SLC9A9: variants seen among roughly 807,000 people sequenced by gnomAD.
SLC9A9 encodes sodium/hydrogen exchanger 9.
A neutral mutation model predicts 77.8 loss-of-function variants in SLC9A9; 62 were observed. That is an observed-to-expected ratio of 0.80 (90% CI 0.65 to 0.98). The LOEUF is 0.98. SLC9A9 is among the 50% of genes least tolerant of loss of function. SLC9A9 has a pLI of 0.00. For missense variants in SLC9A9, 775 were observed against 774.9 expected, an observed-to-expected ratio of 1.00 and a Z score of 0.00; for synonymous variants, 320 against 283.5, an observed-to-expected ratio of 1.13 and a Z score of -1.29.
chr3:143,680,850 C>T (rs569960487), intron 5 of SLC9A9, among the ~76,000 whole-genome samples: 37 of 152,204 alleles, frequency 2.4e-4, no homozygotes, highest in African/African-American at 8.9e-4. Context: ...GGGACACTGA[C>T]CACGTGAACT....
At chr3:143,677,313 A>G (rs1221377098) in intron 5 of SLC9A9, among the ~76,000 whole-genome samples, 1 of 152,208 alleles carries the variant, frequency 6.6e-6, no homozygotes, top group Non-Finnish European at 1.5e-5. Flanking sequence ...TCATATTTTT[A>G]TATACATTTT....
intron 12 of SLC9A9, among the ~76,000 whole-genome samples, chr3:143,446,353 T>C (rs2034842454): frequency 6.6e-6 from 1 of 152,110 alleles, no homozygotes; most frequent in Non-Finnish European, 1.5e-5. Flanking sequence ...TGACTGTTTC[T>C]ATTCTCTTAC....
intron 14 of SLC9A9, among the ~76,000 whole-genome samples, chr3:143,296,821 T>C (rs1299525620): frequency 6.6e-6 from 1 of 152,254 alleles, no homozygotes; most frequent in African/African-American, 2.4e-5. Context: ...CTGTTGGTCA[T>C]CTGTACGTCT....
At chr3:143,800,540 T>C (rs1322611604) in intron 2 of SLC9A9, among the ~76,000 whole-genome samples, 1 of 152,202 alleles carries the variant, frequency 6.6e-6, no homozygotes, top group African/African-American at 2.4e-5. Context: ...ATCTTAAAGA[T>C]GCTTTTTTCA....
At chr3:143,393,740 T>C (rs2033629234) in intron 12 of SLC9A9, among the ~76,000 whole-genome samples, 1 of 151,624 alleles carries the variant, frequency 6.6e-6, no homozygotes, top group Non-Finnish European at 1.5e-5. Flanking sequence ...AAGAATCAAA[T>C]AGACGCAATA....
chr3:143,502,647 A>G (rs2035943172), intron 9 of SLC9A9, among the ~76,000 whole-genome samples: 1 of 152,186 alleles, frequency 6.6e-6, no homozygotes, highest in Non-Finnish European at 1.5e-5. Context: ...GAATTCCTCA[A>G]CATAGCTTTT....
chr3:143,319,067 A>G (rs1383879592), intron 14 of SLC9A9, among the ~76,000 whole-genome samples: 2 of 152,232 alleles, frequency 1.3e-5, no homozygotes, highest in East Asian at 1.9e-4. Flanking sequence ...TAAAGATAAC[A>G]GAAATTGCCA....
intron 6 of SLC9A9, among the ~76,000 whole-genome samples, chr3:143,616,156 T>G (rs957084956): frequency 1.3e-5 from 2 of 152,084 alleles, no homozygotes; most frequent in African/African-American, 4.8e-5. Context: ...GTGCTGGGAT[T>G]ATAGGCATGA....
intron 6 of SLC9A9, among the ~76,000 whole-genome samples, chr3:143,621,732 C>A (rs973922128): frequency 6.6e-6 from 1 of 152,188 alleles, no homozygotes; most frequent in Admixed American, 6.5e-5. Context: ...AGGAACTCAG[C>A]TCCTCACCAG....
chr3:143,293,846 CA>C (rs1223621514), intron 14 of SLC9A9, among the ~76,000 whole-genome samples: 2 of 152,100 alleles, frequency 1.3e-5, no homozygotes, highest in Non-Finnish European at 2.9e-5. Flanking sequence ...CATCTTTTAG[CA>C]AAAGTCAATG....
intron 9 of SLC9A9, among the ~76,000 whole-genome samples, chr3:143,523,060 C>T (rs984455062): frequency 6.6e-6 from 1 of 151,826 alleles, no homozygotes; most frequent in Non-Finnish European, 1.5e-5. Flanking sequence ...TCTTCCAGTC[C>T]CAGAATCCCA....
At chr3:143,355,933 C>T (rs1033719531) in intron 14 of SLC9A9, among the ~76,000 whole-genome samples, 3 of 152,038 alleles carry the variant, frequency 2.0e-5, no homozygotes, top group African/African-American at 7.3e-5. Context: ...TCATATCATT[C>T]GTTTAAAGTG....
intron 9 of SLC9A9, among the ~76,000 whole-genome samples, chr3:143,547,187 T>C (rs1355467884): frequency 1.3e-5 from 2 of 152,260 alleles, no homozygotes; most frequent in Non-Finnish European, 2.9e-5. Context: ...GATTGGTCTT[T>C]GGACCTCTTC....
chr3:143,379,175 C>T (rs1426600665), intron 13 of SLC9A9, among the ~76,000 whole-genome samples: 2 of 152,088 alleles, frequency 1.3e-5, no homozygotes, highest in African/African-American at 4.8e-5. Context: ...AAAGATTAAC[C>T]TATTTGTTAA....
chr3:143,621,599 C>T (rs1367243422), intron 6 of SLC9A9, among the ~76,000 whole-genome samples: 1 of 152,040 alleles, frequency 6.6e-6, no homozygotes, highest in Non-Finnish European at 1.5e-5. Flanking sequence ...GACATCCACA[C>T]CAAAAACCCA....
chr3:143,363,424 A>C, intron 14 of SLC9A9, 60 bp downstream of exon 14: 1 of 1,480,588 alleles, frequency 6.8e-7, no homozygotes. Flanking sequence ...AATGATTAAG[A>C]GCTTAAAGTA....
intron 11 of SLC9A9, among the ~76,000 whole-genome samples, chr3:143,471,149 A>G (rs1309644741): frequency 6.6e-6 from 1 of 152,234 alleles, no homozygotes; most frequent in African/African-American, 2.4e-5. Context: ...TAGCCCTGGT[A>G]ACATGTGGCA....
intron 6 of SLC9A9, among the ~76,000 whole-genome samples, chr3:143,633,836 G>A (rs192025445): frequency 1.3e-5 from 2 of 152,206 alleles, no homozygotes; most frequent in East Asian, 3.9e-4. Context: ...TGTTTTTGTA[G>A]TTTTTCTTAA....
intron 14 of SLC9A9, among the ~76,000 whole-genome samples, chr3:143,285,551 C>CA (rs1297964118): frequency 1.3e-5 from 2 of 152,136 alleles, no homozygotes; most frequent in African/African-American, 4.8e-5. Context: ...GAGCTCAGTG[C>CA]AGCATGATCC....
Sources: gnomAD v4.1 joint callset for allele counts (sites outside exome capture counted in the v4.1 genomes callset) on GRCh38, gnomAD v4.1.1 for gene constraint, MANE v1.5 for transcripts, NCBI Gene and HGNC (gene_info 2026-07-23, HGNC 2026-07-21) for gene names.